IP6K2: variants seen among roughly 807,000 people sequenced by gnomAD.
IP6K2 encodes inositol hexakisphosphate kinase 2.
Under a neutral mutation model 43.3 loss-of-function variants are expected in IP6K2, and 9 were observed. The observed-to-expected ratio is 0.21, with a 90% CI of 0.13 to 0.36. The LOEUF is 0.36. Ranked by LOEUF, IP6K2 falls within the 10% of genes least tolerant of loss-of-function variation. IP6K2 has a pLI of 1.00. For missense variants in IP6K2, 332 were observed against 538.4 expected, an observed-to-expected ratio of 0.62 and a Z score of 3.79; for synonymous variants, 209 against 202.4, an observed-to-expected ratio of 1.03 and a Z score of -0.28.
intron 1 of IP6K2, among the ~76,000 whole-genome samples, chr3:48,710,875 C>T (rs529656136): frequency 1.3e-5 from 2 of 152,272 alleles, no homozygotes; most frequent in East Asian, 1.9e-4. Flanking sequence ...GCCCAAAGTG[C>T]TGGGATTACA....
At chr3:48,694,605 A>G in intron 2 of IP6K2, 1 of 1,520,910 alleles carries the variant, frequency 6.6e-7, no homozygotes, top group Non-Finnish European at 8.8e-7. Context: ...AATTTTGGGG[A>G]CATTCTGTAA....
At chr3:48,714,377 C>T (rs1010354265) in intron 1 of IP6K2, among the ~76,000 whole-genome samples, 6 of 151,546 alleles carry the variant, frequency 4.0e-5, no homozygotes, top group Non-Finnish European at 7.4e-5. Context: ...CTTTCTTTTT[C>T]CTTTTTTTTG....
At position 48,695,334 on chromosome 3, in the gene IP6K2, TCCAGCGG is replaced by T; in HGVS notation, c.-50_-44del. On this transcript the variant is annotated 5_prime_UTR_variant, in exon 2 of 6. Transcript: ENST00000328631. The surrounding 1 kb of genome is among the most constrained non-coding windows in gnomAD (Gnocchi z 4.6). ...CGGGGAGATGGGGGAGGCAGCGGAG[TCCAGCGG>T]CCAGTACGTCTTCTGTCTGTTGTTT... is the stretch of plus-strand genomic sequence containing the variant. 6.3e-7 allele frequency: 1 copy of T among 1,582,388 alleles called. No individual in the cohort carries two copies. The highest frequency in any genetic ancestry group is 1.1e-5 in the South Asian group (1 of 88,500).
intron 1 of IP6K2, among the ~76,000 whole-genome samples, chr3:48,710,632 C>T (rs1038765109): frequency 6.6e-6 from 1 of 151,850 alleles, no homozygotes; most frequent in Non-Finnish European, 1.5e-5. Flanking sequence ...TTTTTTGAGA[C>T]GGAGTCTCAC....
intron 5 of IP6K2, among the ~76,000 whole-genome samples, chr3:48,689,309 C>T (rs536006718): frequency 4.4e-4 from 67 of 152,286 alleles, no homozygotes; most frequent in Non-Finnish European, 7.9e-4. Flanking sequence ...TGCACCACCA[C>T]GCCCAGCCAA....
chr3:48,693,497 C>A (rs2077982721), intron 2 of IP6K2: 2 of 1,278,172 alleles, frequency 1.6e-6, no homozygotes, highest in Non-Finnish European at 2.0e-6. Context: ...TTCTTCTAAT[C>A]CTAAAAGACT....
rs144720298 is a variant in IP6K2 at position 48,701,345 on chromosome 3, T to C, written c.-130-5924A>G. Reference sequence around the variant, plus strand: ...ACCCTGGGAGGCTGAGGCGGGCGGATTGCCTGAGCTCAGAAGTTCGAGGCC... The same window carrying C: ...ACCCTGGGAGGCTGAGGCGGGCGGACTGCCTGAGCTCAGAAGTTCGAGGCC... On this transcript the variant is annotated intron_variant, in intron 1 of 5. Transcript: ENST00000328631. Among the ~76,000 whole-genome samples, 1,063 of 152,000 alleles carry C rather than the reference T, an allele frequency of 7.0e-3. 11 individuals are homozygous for C. The highest frequency in any genetic ancestry group is 0.023 in the African/African-American group (957 of 41,440).
At chr3:48,690,041 CAA>C (rs1278178461) in intron 4 of IP6K2, among the ~76,000 whole-genome samples, 1 of 152,226 alleles carries the variant, frequency 6.6e-6, no homozygotes, top group Non-Finnish European at 1.5e-5. Context: ...TCCTCAATTA[CAA>C]GTAGAACATC....
intron 1 of IP6K2, among the ~76,000 whole-genome samples, chr3:48,698,157 G>T (rs934839281): frequency 3.3e-5 from 5 of 152,220 alleles, no homozygotes; most frequent in Admixed American, 3.3e-4. Context: ...GCTCTGAGAA[G>T]TCTGGCCACA....
At chr3:48,699,986 T>C (rs2078852281) in intron 1 of IP6K2, among the ~76,000 whole-genome samples, 1 of 152,176 alleles carries the variant, frequency 6.6e-6, no homozygotes, top group Admixed American at 6.5e-5. Context: ...GTTCAGGAAT[T>C]CGAGACTAGC....
chr3:48,704,124 C>A (rs2079403284), intron 1 of IP6K2, among the ~76,000 whole-genome samples: 1 of 152,006 alleles, frequency 6.6e-6, no homozygotes, highest in Non-Finnish European at 1.5e-5. Context: ...AAAAAACAAA[C>A]AATAAAAAAC....
At chr3:48,715,484 G>T in intron 1 of IP6K2, 1 of 1,534,390 alleles carries the variant, frequency 6.5e-7, no homozygotes, top group Non-Finnish European at 8.7e-7. Context: ...TGCTCAGACA[G>T]ATACAGGGCT....
At chr3:48,708,919 C>G (rs1350335527) in intron 1 of IP6K2, among the ~76,000 whole-genome samples, 1 of 152,096 alleles carries the variant, frequency 6.6e-6, no homozygotes, top group Non-Finnish European at 1.5e-5. Flanking sequence ...CAAAAAATAA[C>G]CAGCCAGGTG....
chr3:48,701,567 C>CAAA (rs67509214), intron 1 of IP6K2, among the ~76,000 whole-genome samples: 2 of 47,448 alleles, frequency 4.2e-5, no homozygotes, highest in Non-Finnish European at 6.9e-5. Context: ...GACTCCGTCT[C>CAAA]AAAAAAAAAA....
chr3:48,709,312 G>A (rs1226458454), intron 1 of IP6K2, among the ~76,000 whole-genome samples: 1 of 152,218 alleles, frequency 6.6e-6, no homozygotes, highest in African/African-American at 2.4e-5. Context: ...GAACAAAAGT[G>A]TACCCTATGC....
rs796901701 is a variant in IP6K2, at chr3:48,694,874, CACA to C, written c.202+213_202+215del. On this transcript the variant is annotated intron_variant, in intron 2 of 5. Transcript: ENST00000328631. ...TCTACCAAAATCAAACTCAAATCCA[CACA>C]ACAAAACAGAATTGAGCAATCTTAC... The C allele has an allele frequency of 3.3e-6, 5 of 1,538,444 alleles. No homozygotes were observed. In the South Asian group the frequency reaches 3.6e-5, roughly 11 times the overall value.
chr3:48,715,551 T>C (rs2107125513), intron 1 of IP6K2: 4 of 1,243,498 alleles, frequency 3.2e-6, no homozygotes, highest in Non-Finnish European at 4.5e-6. Context: ...AAGAAATCTA[T>C]TATATCTGTT....
chr3:48,695,323 A>T lies in IP6K2; in HGVS notation c.-32T>A. 1.3e-6 allele frequency: 2 copies of T among 1,592,790 alleles called. No individual in the cohort carries two copies. The highest frequency in any genetic ancestry group is 1.7e-6 in the Non-Finnish European group (2 of 1,167,850). Reference sequence around the variant, plus strand: ...GGCGCAGATGGCGGGGAGATGGGGGAGGCAGCGGAGTCCAGCGGCCAGTAC... The same window carrying T: ...GGCGCAGATGGCGGGGAGATGGGGGTGGCAGCGGAGTCCAGCGGCCAGTAC... On this transcript the variant is annotated 5_prime_UTR_variant, in exon 2 of 6. Transcript: ENST00000328631. This position sits in a 1 kb window ranked among gnomAD's most constrained non-coding sequence, Gnocchi z 4.6.
chr3:48,688,121 G>A lies in IP6K2; in HGVS notation c.*152C>T. ...ATAAATAAAGACTCCAAGCACAGCT[G>A]GGACTGGCTCAGGCTGGGGCTCACA... On this transcript the variant is annotated 3_prime_UTR_variant, in exon 6 of 6. Coordinates refer to ENST00000328631, the MANE Select transcript of IP6K2 (RefSeq NM_016291.4). The surrounding 1 kb of genome is among the most constrained non-coding windows in gnomAD (Gnocchi z 5.1). 2 of 733,670 alleles carry A rather than the reference G, an allele frequency of 2.7e-6. No homozygotes were observed. The highest frequency in any genetic ancestry group is 4.7e-6 in the Non-Finnish European group (2 of 426,966). The allele number at this position is 733,670 out of a possible 1,614,324, so 45.4% of individuals were successfully genotyped here.
Sources: allele counts gnomAD v4.1 joint callset (sites outside exome capture counted in the v4.1 genomes callset), GRCh38; gene constraint gnomAD v4.1.1; non-coding constraint Gnocchi (gnomAD v3.1); transcripts MANE v1.5; gene names NCBI Gene and HGNC (gene_info 2026-07-23, HGNC 2026-07-21).